The following CACNA2D3 variants were observed in gnomAD, a reference collection of about 807,000 sequenced individuals.
CACNA2D3 encodes the protein voltage-dependent calcium channel subunit alpha-2/delta-3.
Under a neutral mutation model 160.6 loss-of-function variants are expected in CACNA2D3, and 60 were observed. The observed-to-expected ratio is 0.37, with a 90% confidence interval of 0.30 to 0.46. CACNA2D3 has a LOEUF of 0.46. Ranked by LOEUF, CACNA2D3 falls within the 20% of genes least tolerant of loss-of-function variation. The probability of loss-of-function intolerance (pLI) is 1.00; values close to 1 mark genes in which losing one functional copy is unlikely to be tolerated. For missense variants in CACNA2D3, 1,205 were observed against 1,365.0 expected (o/e 0.88, Z 1.85); for synonymous variants, 558 against 492.9 (o/e 1.13, Z -1.75).
intron 2 of CACNA2D3, among the ~76,000 whole-genome samples, chr3:54,259,707 T>C (rs2107437840): frequency 6.6e-6 from 1 of 152,342 alleles, no homozygotes; most frequent in South Asian, 2.1e-4. Flanking sequence ...GACAGCATTG[T>C]AAATATATAT....
chr3:54,822,730 TTTTCTTTCTTTCTTTCTTTC>T (rs61652736), intron 14 of CACNA2D3, among the ~76,000 whole-genome samples: 4 of 104,704 alleles, frequency 3.8e-5, no homozygotes, highest in African/African-American at 7.0e-5. Flanking sequence ...TTCTTTTTTA[TTTTCTTTCTTTCTTTCTTTC>T]TTTCTTTCTT....
At chr3:54,280,812 T>C (rs747452639) in intron 2 of CACNA2D3, among the ~76,000 whole-genome samples, 1 of 152,174 alleles carries the variant, frequency 6.6e-6, no homozygotes, top group Non-Finnish European at 1.5e-5. Context: ...TCCTCCTCCT[T>C]TTTGGGTCTC....
chr3:54,731,235 A>G (rs940490854), intron 11 of CACNA2D3, among the ~76,000 whole-genome samples: 8 of 152,032 alleles, frequency 5.3e-5, no homozygotes, highest in Admixed American at 1.3e-4. Flanking sequence ...CCTCTAAGTA[A>G]TTAGGAAAGA....
At chr3:54,128,513 A>G (rs1699643041) in intron 2 of CACNA2D3, among the ~76,000 whole-genome samples, 1 of 152,114 alleles carries the variant, frequency 6.6e-6, no homozygotes, top group Non-Finnish European at 1.5e-5. Context: ...GGGCCTACCT[A>G]AAGAAGTGTA....
chr3:54,679,330 C>T (rs1700301337), intron 11 of CACNA2D3, among the ~76,000 whole-genome samples: 1 of 152,196 alleles, frequency 6.6e-6, no homozygotes, highest in Non-Finnish European at 1.5e-5. Context: ...GGCTCTGTCT[C>T]TTCCCAAGTC....
chr3:54,946,730 C>T (rs983264657), intron 27 of CACNA2D3, among the ~76,000 whole-genome samples: 1 of 151,574 alleles, frequency 6.6e-6, no homozygotes, highest in Non-Finnish European at 1.5e-5. Flanking sequence ...CCACTGGATG[C>T]AAAGAATCCA....
chr3:54,123,475 G>C, intron 1 of CACNA2D3, 38 bp from the exon 2 acceptor site: 2 of 1,425,738 alleles, frequency 1.4e-6, no homozygotes, highest in Non-Finnish European at 2.0e-6. Context: ...ACTGTGACAC[G>C]GGTGTTACAT....
At chr3:54,533,486 C>T (rs1026807239) in intron 5 of CACNA2D3, among the ~76,000 whole-genome samples, 1 of 151,968 alleles carries the variant, frequency 6.6e-6, no homozygotes, top group African/African-American at 2.4e-5. Flanking sequence ...AGGGGCATGC[C>T]ACCATGCCTG....
chr3:54,995,148 A>G (rs558908340), intron 31 of CACNA2D3, among the ~76,000 whole-genome samples: 110 of 151,984 alleles, frequency 7.2e-4, no homozygotes, highest in Middle Eastern at 3.4e-3. Context: ...TAATTTCTGT[A>G]TTTTTAGTAG....
intron 2 of CACNA2D3, among the ~76,000 whole-genome samples, chr3:54,146,883 C>T (rs1700040720): frequency 6.6e-6 from 1 of 152,244 alleles, no homozygotes; most frequent in Non-Finnish European, 1.5e-5. Flanking sequence ...CAGTTGTGGA[C>T]ACTGCCAGGC....
intron 2 of CACNA2D3, among the ~76,000 whole-genome samples, chr3:54,238,546 A>G (rs1244959417): frequency 6.6e-6 from 1 of 152,258 alleles, no homozygotes; most frequent in Non-Finnish European, 1.5e-5. Flanking sequence ...GGGAGAAAGC[A>G]GTAAATCTCA....
chr3:54,566,566 A>G (rs1383594112), intron 6 of CACNA2D3, among the ~76,000 whole-genome samples: 1 of 151,438 alleles, frequency 6.6e-6, no homozygotes, highest in Non-Finnish European at 1.5e-5. Context: ...GTACCTACCC[A>G]TGTACTCTTA....
intron 9 of CACNA2D3, chr3:54,626,430 GGAAGTGGTGAA>G: frequency 6.3e-7 from 1 of 1,588,752 alleles, no homozygotes; most frequent in Non-Finnish European, 8.6e-7. Context: ...TGGAGAAGCC[GGAAGTGGTGAA>G]GACGCACCTG....
At chr3:54,586,988 A>G (rs1702773828) in intron 9 of CACNA2D3, among the ~76,000 whole-genome samples, 1 of 152,158 alleles carries the variant, frequency 6.6e-6, no homozygotes, top group African/African-American at 2.4e-5. Flanking sequence ...CAAAGATTAC[A>G]TATCACAAGA....
At chr3:54,844,701 C>T (rs940632516) in intron 16 of CACNA2D3, among the ~76,000 whole-genome samples, 1 of 152,014 alleles carries the variant, frequency 6.6e-6, no homozygotes, top group Admixed American at 6.6e-5. Context: ...ATACTCAACC[C>T]CACAGATAAT....
At chr3:54,169,464 C>T (rs1351312541) in intron 2 of CACNA2D3, among the ~76,000 whole-genome samples, 1 of 152,140 alleles carries the variant, frequency 6.6e-6, no homozygotes, top group Non-Finnish European at 1.5e-5. Flanking sequence ...CATTTTGATT[C>T]TGTTTCATGC....
intron 9 of CACNA2D3, among the ~76,000 whole-genome samples, chr3:54,614,726 A>C (rs1455549727): frequency 2.0e-5 from 3 of 152,166 alleles, no homozygotes; most frequent in Non-Finnish European, 2.9e-5. Flanking sequence ...GAACAAGATG[A>C]GTCTGTAACC....
intron 4 of CACNA2D3, among the ~76,000 whole-genome samples, chr3:54,409,905 T>G (rs1234500396): frequency 6.6e-6 from 1 of 152,202 alleles, no homozygotes; most frequent in African/African-American, 2.4e-5. Flanking sequence ...AAGTGCAAGG[T>G]GAAGCAGCAA....
At position 54,879,356 on chromosome 3, in the gene CACNA2D3, G is replaced by A. The variant is rs2106838290; in HGVS notation, c.1789G>A (p.Val597Ile). ...TTTTTTTTTTTCAATCTAGAAACGG[G>A]TTTTGGTGATGACAAATGACTACTA... ...VKKTVDKGKR[V>I]LVMTNDYYYT... The change falls in exon 20 of 38, where the codon GTT becomes ATT. Residue 597 changes from valine (V) to isoleucine (I), a missense_variant. Physicochemically the swap from Val to Ile is conservative, Grantham distance 29. Coordinates refer to ENST00000474759, the MANE Select transcript of CACNA2D3 (RefSeq NM_018398.3). 3 of 1,600,992 alleles carry A rather than the reference G, an allele frequency of 1.9e-6. No homozygotes were observed. Among genetic ancestry groups the A allele is most frequent in the Middle Eastern group, 1.7e-4 (1 of 6,002 alleles).
Sources: allele counts gnomAD v4.1 joint callset (sites outside exome capture counted in the v4.1 genomes callset), GRCh38; gene constraint gnomAD v4.1.1; transcripts MANE v1.5; gene names NCBI Gene and HGNC (gene_info 2026-07-23, HGNC 2026-07-21).